LRRC9: variants seen among roughly 807,000 people sequenced by gnomAD.
LRRC9 encodes leucine-rich repeat-containing protein 9.
A neutral mutation model predicts 63.2 loss-of-function variants in LRRC9; 122 were observed. That is an observed-to-expected ratio of 1.93 (90% CI 1.67 to 2.24). The LOEUF (loss-of-function observed/expected upper bound fraction) is 2.24, where lower values mean the gene tolerates loss of function less well. Among genes scored for constraint, LRRC9 ranks in the 30% most tolerant of loss-of-function variants. The pLI is 0.00. For synonymous variants in LRRC9, 366 were observed against 213.1 expected (o/e 1.72, Z -6.25); for missense variants, 1,071 against 627.7 (o/e 1.71, Z -7.55).
At chr14:59,953,602 C>T (rs1459213347) in intron 8 of LRRC9, among the ~76,000 whole-genome samples, 1 of 152,156 alleles carries the variant, frequency 6.6e-6, no homozygotes, top group Non-Finnish European at 1.5e-5. Flanking sequence ...TTCTCCCATT[C>T]TGTAGGTGGC....
chr14:59,995,891 C>T (rs535484720), intron 17 of LRRC9, among the ~76,000 whole-genome samples: 35 of 152,186 alleles, frequency 2.3e-4, no homozygotes, highest in Non-Finnish European at 4.3e-4. Flanking sequence ...TACAGGTATG[C>T]GCCACGATGC....
Position 59,958,957 on chromosome 14 carries a change from C to T in LRRC9, c.883-861C>T, listed in dbSNP as rs1884086361. On this transcript the variant is annotated intron_variant, in intron 8 of 31. Transcript: ENST00000445360. This position sits in a 1 kb window ranked among gnomAD's most constrained non-coding sequence, Gnocchi z 4.0. ...GTTGGACCCACTGTCTAACCAGTCTCACTGAGATGAACAGGGTACCTCAGT... is the reference window on the plus strand; with the variant it reads ...GTTGGACCCACTGTCTAACCAGTCTTACTGAGATGAACAGGGTACCTCAGT... Among the ~76,000 whole-genome samples, 1 of 152,224 alleles carries T rather than the reference C, an allele frequency of 6.6e-6. No homozygotes were observed. Among genetic ancestry groups the T allele is most frequent in the Admixed American group, 6.5e-5 (1 of 15,286 alleles).
intron 29 of LRRC9, among the ~76,000 whole-genome samples, chr14:60,038,006 C>G (rs552732262): frequency 6.6e-6 from 1 of 152,308 alleles, no homozygotes; most frequent in East Asian, 1.9e-4. Flanking sequence ...TTCCCAGCAC[C>G]ATTTATTAAA....
intron 12 of LRRC9, chr14:59,969,336 C>T (rs1476414324): frequency 6.6e-6 from 1 of 152,138 alleles, no homozygotes; most frequent in Non-Finnish European, 1.5e-5. Context: ...GGGAATACCA[C>T]AGGTTAAAGT....
intron 26 of LRRC9, among the ~76,000 whole-genome samples, chr14:60,021,007 C>A (rs7147548): frequency 3.2e-4 from 48 of 151,964 alleles, no homozygotes; most frequent in African/African-American, 9.9e-4. Context: ...GGGTAGATAC[C>A]TATGAGTGGA....
rs1390805363 is a variant in LRRC9, at chr14:60,027,909, G to A, written c.3729G>A (p.Gly1243=). ...GTAATGAAATCAGCCAAGTTGAAGG[G>A]CTTGACAACTTAGTAGTCCTTCAAG... is the stretch of plus-strand genomic sequence containing the variant. The change falls in exon 28 of 32, where the codon GGG becomes GGA. Residue 1243 remains glycine, a synonymous_variant. Coordinates refer to ENST00000445360, the Ensembl canonical transcript of LRRC9. The surrounding 1 kb of genome is among the most constrained non-coding windows in gnomAD (Gnocchi z 4.0). 2.9e-6 allele frequency: 2 copies of A among 700,924 alleles called. No individual in the cohort carries two copies. The highest frequency in any genetic ancestry group is 2.0e-5 in the Admixed American group (1 of 49,836). 43.4% of individuals were successfully genotyped at this position (700,924 alleles called of 1,614,324 possible).
intron 17 of LRRC9, among the ~76,000 whole-genome samples, chr14:59,987,452 T>C: frequency 6.8e-6 from 1 of 146,800 alleles, no homozygotes; most frequent in Non-Finnish European, 1.5e-5. Flanking sequence ...CTTAACTTCT[T>C]TGTACTCTGT....
chr14:60,056,694 T>C (rs1894308660), intron 30 of LRRC9, among the ~76,000 whole-genome samples: 1 of 152,198 alleles, frequency 6.6e-6, no homozygotes, highest in South Asian at 2.1e-4. Context: ...AGGGGGTATT[T>C]CAAATCTTTA....
At chr14:60,020,025 A>C (rs894145849) in intron 26 of LRRC9, among the ~76,000 whole-genome samples, 30 of 151,870 alleles carry the variant, frequency 2.0e-4, no homozygotes, top group Middle Eastern at 3.2e-3. Context: ...AGTTTAATGA[A>C]TTTTGACAAA....
intron 17 of LRRC9, among the ~76,000 whole-genome samples, chr14:59,989,165 T>C (rs1053146368): frequency 5.3e-5 from 8 of 152,112 alleles, no homozygotes; most frequent in Non-Finnish European, 1.2e-4. Flanking sequence ...ATTCACAGTA[T>C]GATCTTCCAA....
At chr14:60,048,011 A>G (rs1893578273) in intron 29 of LRRC9, among the ~76,000 whole-genome samples, 1 of 152,218 alleles carries the variant, frequency 6.6e-6, no homozygotes, top group African/African-American at 2.4e-5. Context: ...ACACAACTAC[A>G]TGGAAATTGA....
At chr14:60,032,136 TA>T in intron 29 of LRRC9, 73 bp downstream of exon 29, 1 of 644,486 alleles carries the variant, frequency 1.6e-6, no homozygotes. Context: ...TATATGGTAT[TA>T]GAAAGGGATT....
At chr14:59,968,592 C>G (rs1211031440) in intron 12 of LRRC9, among the ~76,000 whole-genome samples, 1 of 152,160 alleles carries the variant, frequency 6.6e-6, no homozygotes, top group Non-Finnish European at 1.5e-5. Context: ...ACTGTCACTG[C>G]AGGGTGGTGG....
At position 59,942,173 on chromosome 14, in the gene LRRC9, A is replaced by G. The variant is rs1881841542; in HGVS notation, c.727-2416A>G. Among the ~76,000 whole-genome samples the G allele has an allele frequency of 1.3e-5, 2 of 152,190 alleles. No homozygotes were observed. Among genetic ancestry groups the G allele is most frequent in the Admixed American group, 6.5e-5 (1 of 15,278 alleles). Reference sequence around the variant, plus strand: ...CTTTTTTATGGTTAAATAGTATTCCATCATGTGTATACACATATGTGTGTG... The same window carrying G: ...CTTTTTTATGGTTAAATAGTATTCCGTCATGTGTATACACATATGTGTGTG... On this transcript the variant is annotated intron_variant, in intron 7 of 31. Transcript: ENST00000445360. This position sits in a 1 kb window ranked among gnomAD's most constrained non-coding sequence, Gnocchi z 5.3.
At chr14:60,001,092 T>G (rs905460942) in intron 19 of LRRC9, among the ~76,000 whole-genome samples, 3 of 152,150 alleles carry the variant, frequency 2.0e-5, no homozygotes, top group African/African-American at 7.2e-5. Context: ...CAATACCAAG[T>G]TGTTGCAAGA....
At chr14:59,995,093 C>G (rs1282909121) in intron 17 of LRRC9, among the ~76,000 whole-genome samples, 4 of 152,026 alleles carry the variant, frequency 2.6e-5, no homozygotes, top group Non-Finnish European at 5.9e-5. Flanking sequence ...TAAACTAAGG[C>G]TTTCTTTATG....
chr14:59,957,292 T>C (rs1165185655), intron 8 of LRRC9, among the ~76,000 whole-genome samples: 2 of 152,184 alleles, frequency 1.3e-5, no homozygotes, highest in South Asian at 2.1e-4. Context: ...TATTTTCACA[T>C]AGTCCCATAT....
chr14:59,977,373 G>T, intron 14 of LRRC9, 26 bp downstream of exon 14: 1 of 640,790 alleles, frequency 1.6e-6, no homozygotes. Context: ...AGATTAATGT[G>T]GTTTTATCTC....
chr14:60,038,899 G>T lies in LRRC9; in HGVS notation c.3990+6836G>T, dbSNP rs192657698. On this transcript the variant is annotated intron_variant, in intron 29 of 31. Coordinates refer to ENST00000445360, the Ensembl canonical transcript of LRRC9. ...GCCCATTCAGTATGATATTGGCTGT[G>T]GGTCTGTCATAAATAGCTCTTATTA... 9.4e-3 allele frequency among the ~76,000 whole-genome samples: 1,438 copies of T among 152,288 alleles called. 10 individuals are homozygous for T. The highest frequency in any genetic ancestry group is 0.023 in the South Asian group (110 of 4,826).
Sources: gnomAD v4.1 joint callset for allele counts (sites outside exome capture counted in the v4.1 genomes callset) on GRCh38, gnomAD v4.1.1 for gene constraint, Gnocchi (gnomAD v3.1) non-coding constraint, MANE v1.5 for transcripts, NCBI Gene and HGNC (gene_info 2026-07-23, HGNC 2026-07-21) for gene names.